HSDL1: variants seen among roughly 807,000 people sequenced by gnomAD.
HSDL1 encodes the protein inactive hydroxysteroid dehydrogenase-like protein 1.
A neutral mutation model predicts 31.5 loss-of-function variants in HSDL1; 29 were observed. That is an observed-to-expected ratio of 0.92 (90% confidence interval 0.69 to 1.26). The LOEUF (loss-of-function observed/expected upper bound fraction) is 1.26, where lower values mean the gene tolerates loss of function less well. Among genes scored for constraint, HSDL1 ranks in the 50% most tolerant of loss-of-function variants. The pLI is 0.00. For synonymous variants in HSDL1, 222 were observed against 155.2 expected, an observed-to-expected ratio of 1.43 and a Z score of -3.20; for missense variants, 503 against 416.6, an observed-to-expected ratio of 1.21 and a Z score of -1.81.
chr16:84,133,083 G>C (rs752687095), intron 2 of HSDL1, among the ~76,000 whole-genome samples: 1 of 151,570 alleles, frequency 6.6e-6, no homozygotes, highest in Non-Finnish European at 1.5e-5. Context: ...CTCCACTGCA[G>C]TGTAATCTGA....
Position 84,123,150 on chromosome 16 carries a change from G to A in HSDL1, c.*1480C>T, listed in dbSNP as rs3817155. On this transcript the variant is annotated 3_prime_UTR_variant, in exon 6 of 6. Coordinates refer to ENST00000219439, the MANE Select transcript of HSDL1 (RefSeq NM_031463.5). ...GAAGACATGATCTAAGCGTGGAAGA[G>A]CTTCTGAAGTTGACCACTGATCTTC... is the stretch of plus-strand genomic sequence containing the variant. 0.53 allele frequency: 80,358 copies of A among 152,030 alleles called. 21,398 individuals carry two copies. Among genetic ancestry groups the A allele is most frequent in the East Asian group, 0.65 (3,359 of 5,176 alleles). The allele number at this position is 152,030 out of a possible 1,614,324, so 9.4% of individuals were successfully genotyped here.
At chr16:84,129,917 C>G in intron 4 of HSDL1, 69 bp downstream of exon 4, 2 of 1,517,776 alleles carry the variant, frequency 1.3e-6, no homozygotes, top group Non-Finnish European at 9.0e-7. Flanking sequence ...TTCAACAAAT[C>G]AGACCAAACA....
In HSDL1 at chr16:84,122,676, A is replaced by G. The variant is rs1404770420; in HGVS notation, c.*1954T>C. 1 of 152,148 alleles carries G rather than the reference A, an allele frequency of 6.6e-6. No individual in the cohort carries two copies. Among genetic ancestry groups the G allele is most frequent in the African/African-American group, 2.4e-5 (1 of 41,420 alleles). The allele number at this position is 152,148 out of a possible 1,614,324, so 9.4% of individuals were successfully genotyped here. The stretch of plus-strand genomic sequence containing the variant: ...CCCTATTTCCCACATTCTTAATGAC[A>G]CCCCATCCACAGTGGTCCAATCAAC... On this transcript the variant is annotated 3_prime_UTR_variant, in exon 6 of 6. Transcript: ENST00000219439.
At chr16:84,126,174 G>A (rs1361890461) in intron 5 of HSDL1, among the ~76,000 whole-genome samples, 2 of 151,986 alleles carry the variant, frequency 1.3e-5, no homozygotes, top group Non-Finnish European at 2.9e-5. Flanking sequence ...CGCATACGTG[G>A]TTAGTACTCT....
rs528623835 is a variant in HSDL1, at chr16:84,125,779, C to T, written c.895-1051G>A. 2.7e-4 allele frequency among the ~76,000 whole-genome samples: 41 copies of T among 152,316 alleles called. No individual in the cohort carries two copies. The South Asian group carries it at 8.1e-3, about 30-fold the overall frequency. On this transcript the variant is annotated intron_variant, in intron 5 of 5. Transcript: ENST00000219439. ...TAAATACAATTCTGTCTTTACTTAA[C>T]GTGATATGAACAAAATGTTCACTGG... is the stretch of plus-strand genomic sequence containing the variant.
chr16:84,130,295 A>C lies in HSDL1; in HGVS notation c.357T>G (p.Thr119=), dbSNP rs140264337. The C allele has an allele frequency of 7.4e-6, 12 of 1,614,084 alleles. No individual in the cohort carries two copies. In the Admixed American group the frequency reaches 1.7e-4, roughly 22 times the overall value. ...KDIADTYKVE[T]DIIVADFSSG... is the part of the protein sequence containing the mutation. ...TGCTGAAGTCCGCAACTATAATATC[A>C]GTTTCCACTTTGTACGTGTCGGCTA... Residue 119 remains threonine, a synonymous_variant, in exon 4 of 6, where the codon ACT becomes ACG. Transcript: ENST00000219439.
chr16:84,134,590 C>T (rs895063411), intron 2 of HSDL1, among the ~76,000 whole-genome samples: 34 of 151,892 alleles, frequency 2.2e-4, no homozygotes, highest in African/African-American at 3.6e-4. Context: ...CCAGCCTGGG[C>T]GACAGAGTTA....
intron 1 of HSDL1, chr16:84,139,315 G>T (rs1046228787): frequency 3.3e-5 from 5 of 152,366 alleles, no homozygotes; most frequent in Non-Finnish European, 5.9e-5. Context: ...TCCTTGTAAG[G>T]GGGGCAGGAA....
At position 84,123,654 on chromosome 16, in the gene HSDL1, A is replaced by G. The variant is rs2086575690; in HGVS notation, c.*976T>C. 3 of 152,664 alleles carry G rather than the reference A, an allele frequency of 2.0e-5. No homozygotes were observed. Among genetic ancestry groups the G allele is most frequent in the Admixed American group, 2.0e-4 (3 of 15,288 alleles). The allele number at this position is 152,664 out of a possible 1,614,324, so 9.5% of individuals were successfully genotyped here. ...TATTCCATAAATACTTACTATTTCT[A>G]TCAATAATGCTACTGGAATGGAATA... On this transcript the variant is annotated 3_prime_UTR_variant, in exon 6 of 6. Transcript: ENST00000219439.
At chr16:84,130,489 G>A in intron 3 of HSDL1, 58 bp from the exon 4 acceptor site, 2 of 1,409,624 alleles carry the variant, frequency 1.4e-6, no homozygotes, top group Non-Finnish European at 1.9e-6. Flanking sequence ...CCCTTAAAAT[G>A]GACCCAAAGT....
At chr16:84,130,472 G>A (rs186984745) in intron 3 of HSDL1, 41 bp from the exon 4 acceptor site, 49 of 1,522,880 alleles carry the variant, frequency 3.2e-5, no homozygotes, top group East Asian at 9.0e-5. Context: ...TGTATTTCAC[G>A]GTGTGACCCT....
At chr16:84,140,792 C>A (rs62045763) in intron 1 of HSDL1, among the ~76,000 whole-genome samples, 1 of 152,138 alleles carries the variant, frequency 6.6e-6, no homozygotes, top group Non-Finnish European at 1.5e-5. Context: ...ATACCCCAAG[C>A]ATGTATTCTG....
intron 1 of HSDL1, among the ~76,000 whole-genome samples, chr16:84,144,073 CCTCTCT>C (rs140146164): frequency 3.5e-5 from 5 of 143,958 alleles, no homozygotes; most frequent in African/African-American, 5.1e-5. Context: ...TCCCTCCCTC[CCTCTCT>C]CTCTCTCTCT....
At position 84,131,529 on chromosome 16, in the gene HSDL1, C is replaced by CAA. The variant is rs746000018; in HGVS notation, c.-6-203_-6-202insTT. On this transcript the variant is annotated intron_variant, in intron 2 of 5. Transcript: ENST00000219439. ...TCTATCTATCTATCTATCTATCTAT[C>CAA]TATCAGACAGAGTCTCACCCTGTCG... is the stretch of plus-strand genomic sequence containing the variant. Among the ~76,000 whole-genome samples, 709 of 152,020 alleles carry CAA rather than the reference C, an allele frequency of 4.7e-3. 2 individuals are homozygous for CAA. The highest frequency in any genetic ancestry group is 8.8e-3 in the African/African-American group (366 of 41,416).
At chr16:84,126,753 C>T (rs1394379014) in intron 5 of HSDL1, among the ~76,000 whole-genome samples, 5 of 152,180 alleles carry the variant, frequency 3.3e-5, no homozygotes, top group Non-Finnish European at 5.9e-5. Context: ...CACACACACT[C>T]ACGCACTTTG....
At chr16:84,128,072 T>C (rs1464365966) in intron 5 of HSDL1, among the ~76,000 whole-genome samples, 6 of 151,046 alleles carry the variant, frequency 4.0e-5, no homozygotes, top group African/African-American at 1.2e-4. Context: ...GTGGATCACC[T>C]GAGATCAGGA....
intron 1 of HSDL1, among the ~76,000 whole-genome samples, chr16:84,143,499 T>G (rs2151193823): frequency 6.6e-6 from 1 of 152,262 alleles, no homozygotes; most frequent in East Asian, 1.9e-4. Flanking sequence ...TGTAGGTGAT[T>G]AAATGTTCTG....
At chr16:84,141,110 A>G (rs2086765672) in intron 1 of HSDL1, among the ~76,000 whole-genome samples, 1 of 151,798 alleles carries the variant, frequency 6.6e-6, no homozygotes, top group East Asian at 1.9e-4. Context: ...AAAAAACAGT[A>G]TTGCTAAGTT....
chr16:84,123,949 G>A lies in HSDL1; in HGVS notation c.*681C>T, dbSNP rs2086578463. The A allele has an allele frequency of 6.6e-6, 1 of 152,168 alleles. No individual in the cohort carries two copies. The highest frequency in any genetic ancestry group is 6.5e-5 in the Admixed American group (1 of 15,284). The allele number at this position is 152,168 out of a possible 1,614,324, so 9.4% of individuals were successfully genotyped here. A position where few individuals can be genotyped will look rare whatever the true frequency, so the allele number is the denominator to read the frequency against. Reference sequence around the variant, plus strand: ...GAAATTTGGTAGGCTTATTTAGGATGAAAAGGAATAATCTAGATTGTTTTA... The same window carrying A: ...GAAATTTGGTAGGCTTATTTAGGATAAAAAGGAATAATCTAGATTGTTTTA... On this transcript the variant is annotated 3_prime_UTR_variant, in exon 6 of 6. Transcript: ENST00000219439.
Sources: gnomAD v4.1 joint callset for allele counts (sites outside exome capture counted in the v4.1 genomes callset) on GRCh38, gnomAD v4.1.1 for gene constraint, MANE v1.5 for transcripts, NCBI Gene and HGNC (gene_info 2026-07-23, HGNC 2026-07-21) for gene names.